Variants in ATE1 observed in about 807,000 individuals in gnomAD.
The protein encoded by ATE1 is arginyl-tRNA--protein transferase 1.
ATE1 carries 36 observed loss-of-function variants against 70.5 expected under a neutral mutation model. That is an observed-to-expected ratio of 0.51 (90% CI 0.39 to 0.67). The LOEUF is 0.67. ATE1 is among the 30% of genes least tolerant of loss of function. ATE1 has a pLI of 0.00. For missense variants in ATE1, 593 were observed against 629.5 expected (o/e 0.94, Z 0.62); for synonymous variants, 232 against 219.3 (o/e 1.06, Z -0.51).
intron 8 of ATE1, among the ~76,000 whole-genome samples, chr10:121,863,745 G>A (rs371948477): frequency 5.9e-5 from 9 of 152,058 alleles, no homozygotes; most frequent in African/African-American, 2.2e-4. Flanking sequence ...TCACAGCTGG[G>A]ACTACAGGCA....
intron 7 of ATE1, among the ~76,000 whole-genome samples, chr10:121,885,572 A>AC (rs1436882564): frequency 6.6e-6 from 1 of 150,684 alleles, no homozygotes; most frequent in Non-Finnish European, 1.5e-5. Context: ...CGTCTCAAAA[A>AC]AAAAAAAAAA....
chr10:121,847,213 C>T (rs1194256867), intron 8 of ATE1, among the ~76,000 whole-genome samples: 1 of 152,078 alleles, frequency 6.6e-6, no homozygotes, highest in African/African-American at 2.4e-5. Flanking sequence ...CTTTGAGAGG[C>T]CGAGGTGGGT....
At chr10:121,816,351 G>A (rs1947541992) in intron 10 of ATE1, among the ~76,000 whole-genome samples, 1 of 152,100 alleles carries the variant, frequency 6.6e-6, no homozygotes, top group Non-Finnish European at 1.5e-5. Flanking sequence ...TATTCATGTT[G>A]AAACTTAATC....
At chr10:121,920,852 G>A (rs1430018982) in intron 3 of ATE1, among the ~76,000 whole-genome samples, 1 of 151,930 alleles carries the variant, frequency 6.6e-6, no homozygotes, top group Non-Finnish European at 1.5e-5. Context: ...AAATTAGCCG[G>A]GCGTGGTGGC....
intron 10 of ATE1, among the ~76,000 whole-genome samples, chr10:121,830,436 C>G (rs773159143): frequency 6.6e-6 from 1 of 152,170 alleles, no homozygotes; most frequent in Non-Finnish European, 1.5e-5. Flanking sequence ...CCCACTGTGA[C>G]ACAGCATAGG....
At chr10:121,918,205 C>T (rs1381940741) in intron 3 of ATE1, among the ~76,000 whole-genome samples, 1 of 151,992 alleles carries the variant, frequency 6.6e-6, no homozygotes, top group Non-Finnish European at 1.5e-5. Flanking sequence ...TGGTGGCATG[C>T]GCCTGTAGTC....
chr10:121,784,481 T>A (rs1466822704), intron 11 of ATE1, among the ~76,000 whole-genome samples: 1 of 152,214 alleles, frequency 6.6e-6, no homozygotes. Context: ...GGAAGTCTAG[T>A]ATCTTTTTAA....
chr10:121,894,968 G>A (rs149054760), intron 7 of ATE1, among the ~76,000 whole-genome samples: 7 of 152,064 alleles, frequency 4.6e-5, no homozygotes, highest in South Asian at 2.1e-4. Context: ...AAGAAGAAAC[G>A]CAAAAGGCCA....
Position 121,922,351 on chromosome 10 carries a change from T to G in ATE1, c.231A>C (p.Ile77=). 1 of 1,583,414 alleles carries G rather than the reference T, an allele frequency of 6.3e-7. No homozygotes were observed. Among genetic ancestry groups the G allele is most frequent in the South Asian group, 1.1e-5 (1 of 89,086 alleles). The change falls in exon 3 of 12, where the codon ATA becomes ATC. Residue 77 remains isoleucine (I), a splice_region_variant and synonymous_variant. Transcript: ENST00000224652. ...MNQTCCPQYT[I]RCRPLQFQPS... is the part of the protein sequence containing the mutation. ...TTTCTACTAATTAAAATTCTTACCT[T>G]ATTGTGTACTGAGGACAACATGTTT...
At chr10:121,914,072 T>TC (rs1206687473) in intron 3 of ATE1, among the ~76,000 whole-genome samples, 179 bp from the exon 4 acceptor site, 1 of 152,074 alleles carries the variant, frequency 6.6e-6, no homozygotes, top group African/African-American at 2.4e-5. Flanking sequence ...TTAAGAGATT[T>TC]TTTTTTTCTT....
chr10:121,771,336 TG>T (rs1485576469), intron 11 of ATE1, among the ~76,000 whole-genome samples: 1 of 152,210 alleles, frequency 6.6e-6, no homozygotes, highest in East Asian at 1.9e-4. Flanking sequence ...CCCAAAGTGC[TG>T]GGATTACAGG....
Position 121,860,730 on chromosome 10 carries a change from CTTTTA to C in ATE1, c.975+9271_975+9275del, listed in dbSNP as rs936128508. On this transcript the variant is annotated intron_variant, in intron 8 of 11. Coordinates refer to ENST00000224652, the MANE Select transcript of ATE1 (RefSeq NM_001001976.3). ...GTTATTTTCTTTACTTTGACATTTC[CTTTTA>C]TTTTAAATCCTAATTCTCCAACAAA... 7.3e-4 allele frequency among the ~76,000 whole-genome samples: 111 copies of C among 152,164 alleles called. 1 individual carries two copies. The highest frequency in any genetic ancestry group is 2.6e-3 in the African/African-American group (109 of 41,498).
intron 7 of ATE1, among the ~76,000 whole-genome samples, chr10:121,875,762 C>G: frequency 6.6e-6 from 1 of 152,310 alleles, no homozygotes; most frequent in Admixed American, 6.5e-5. Flanking sequence ...CTCACCTCCC[C>G]TTCCTCCTTA....
At chr10:121,758,455 TAC>T (rs956995688) in intron 11 of ATE1, among the ~76,000 whole-genome samples, 72 of 152,318 alleles carry the variant, frequency 4.7e-4, no homozygotes, top group African/African-American at 1.7e-3. Flanking sequence ...TAAGTAGCAA[TAC>T]CTCTGAAAAT....
chr10:121,910,766 A>C, intron 5 of ATE1, 140 bp downstream of exon 5: 1 of 1,102,640 alleles, frequency 9.1e-7, no homozygotes, highest in Middle Eastern at 2.1e-4. Flanking sequence ...AATTCTAGGC[A>C]ATAATAAACA....
chr10:121,922,268 TA>T, intron 3 of ATE1, 80 bp downstream of exon 3: 1 of 1,014,534 alleles, frequency 9.9e-7, no homozygotes, highest in Non-Finnish European at 1.5e-6. Flanking sequence ...AAATAAACAT[TA>T]AAAAAGCACA....
At chr10:121,790,346 T>A (rs1946384951) in intron 10 of ATE1, 57 bp from the exon 11 acceptor site, 1 of 1,593,476 alleles carries the variant, frequency 6.3e-7, no homozygotes, top group Admixed American at 1.8e-5. Context: ...ATGCCAGAGA[T>A]AAAGGGATGA....
intron 5 of ATE1, among the ~76,000 whole-genome samples, chr10:121,904,640 C>CAAAAAAAA (rs778557337): frequency 2.2e-5 from 1 of 46,502 alleles, no homozygotes; most frequent in African/African-American, 6.7e-5. Flanking sequence ...GACTCCGTCT[C>CAAAAAAAA]AAAAAAAAAA....
Position 121,899,843 on chromosome 10 carries a change from AAAATTAC to A in ATE1, c.942+16_942+22del, listed in dbSNP as rs752526283. On this transcript the variant is annotated intron_variant, in intron 7 of 11. Coordinates refer to ENST00000224652, the MANE Select transcript of ATE1 (RefSeq NM_001001976.3). ...GAAGGGAAAGCTCTGTTTGCACAGG[AAAATTAC>A]ACTTGGCCTGCTGACCTGGCTTTCG... 8 of 1,605,356 alleles carry A rather than the reference AAAATTAC, an allele frequency of 5.0e-6. No homozygotes were observed. The highest frequency in any genetic ancestry group is 6.8e-6 in the Non-Finnish European group (8 of 1,175,160).
Sources: allele counts gnomAD v4.1 joint callset (sites outside exome capture counted in the v4.1 genomes callset), GRCh38; gene constraint gnomAD v4.1.1; transcripts MANE v1.5; gene names NCBI Gene and HGNC (gene_info 2026-07-23, HGNC 2026-07-21).